The following RMST variants were observed in gnomAD, a reference collection of about 807,000 sequenced individuals.
RMST encodes long intergenic non-protein coding RNA 54.
At chr12:97,534,533 T>G (rs1358201278) in intron 11 of RMST, among the ~76,000 whole-genome samples, 1 of 151,716 alleles carries the variant, frequency 6.6e-6, no homozygotes, top group Non-Finnish European at 1.5e-5. Flanking sequence ...TTAGAGAAAA[T>G]CATGGGTTTG....
intron 5 of RMST, among the ~76,000 whole-genome samples, chr12:97,471,949 T>G (rs890469006): frequency 6.6e-6 from 1 of 152,116 alleles, no homozygotes; most frequent in South Asian, 2.1e-4. Context: ...TTGGGGACAT[T>G]GCATATTAAT....
chr12:97,488,165 C>T (rs1448580015), intron 5 of RMST, among the ~76,000 whole-genome samples: 1 of 152,124 alleles, frequency 6.6e-6, no homozygotes, highest in Admixed American at 6.6e-5. Context: ...GGGTGGATCA[C>T]CTGAGGTCAG....
At chr12:97,476,488 T>G (rs948952924) in intron 5 of RMST, among the ~76,000 whole-genome samples, 7 of 152,214 alleles carry the variant, frequency 4.6e-5, no homozygotes, top group African/African-American at 1.7e-4. Flanking sequence ...AGCTCACCCA[T>G]GCATGATGTT....
chr12:97,544,169 A>G (rs1308772767), intron 11 of RMST, among the ~76,000 whole-genome samples: 1 of 152,106 alleles, frequency 6.6e-6, no homozygotes, highest in Non-Finnish European at 1.5e-5. Context: ...AGCCCAAAGC[A>G]TATTGTCAAA....
chr12:97,466,412 G>A (rs913799050), intron 5 of RMST, among the ~76,000 whole-genome samples: 1 of 152,050 alleles, frequency 6.6e-6, no homozygotes, highest in Non-Finnish European at 1.5e-5. Flanking sequence ...TATATAAGTG[G>A]TTAATTTCCC....
intron 10 of RMST, among the ~76,000 whole-genome samples, chr12:97,501,572 C>T (rs1305431512): frequency 6.6e-6 from 1 of 152,212 alleles, no homozygotes; most frequent in African/African-American, 2.4e-5. Flanking sequence ...TGCAGGATGA[C>T]AAAGCCAGAA....
At chr12:97,481,504 G>A (rs1224891767) in intron 5 of RMST, among the ~76,000 whole-genome samples, 1 of 152,112 alleles carries the variant, frequency 6.6e-6, no homozygotes, top group African/African-American at 2.4e-5. Flanking sequence ...GCTTTTAAAA[G>A]CTTTATTTAT....
chr12:97,499,657 C>CTT (rs540776298), intron 10 of RMST, among the ~76,000 whole-genome samples: 2,083 of 131,734 alleles, frequency 0.016, 53 homozygotes, highest in African/African-American at 0.039. Flanking sequence ...TTTTTTCTTT[C>CTT]TTTTTTTTTT....
At chr12:97,474,132 C>A (rs1874248196) in intron 5 of RMST, among the ~76,000 whole-genome samples, 1 of 152,044 alleles carries the variant, frequency 6.6e-6, no homozygotes, top group Non-Finnish European at 1.5e-5. Flanking sequence ...GAGGATGTAG[C>A]AAAGGACCAA....
chr12:97,495,937 G>T (rs1416501390), exon 10 of RMST: 2 of 152,098 alleles, frequency 1.3e-5, no homozygotes, highest in Non-Finnish European at 2.9e-5. Context: ...CCAGTTGGCA[G>T]TTAAAGAACA....
intron 11 of RMST, among the ~76,000 whole-genome samples, chr12:97,538,762 A>G (rs533048157): frequency 1.3e-5 from 2 of 151,498 alleles, no homozygotes; most frequent in Admixed American, 1.3e-4. Flanking sequence ...GAATTATTTC[A>G]ATTATGCTAA....
intron 10 of RMST, among the ~76,000 whole-genome samples, chr12:97,504,680 A>T (rs1878474910): frequency 6.6e-6 from 1 of 152,194 alleles, no homozygotes; most frequent in Non-Finnish European, 1.5e-5. Flanking sequence ...GAACATGAAG[A>T]AAAAAGGAGT....
chr12:97,503,259 G>A (rs765260690), intron 10 of RMST, among the ~76,000 whole-genome samples: 2 of 152,196 alleles, frequency 1.3e-5, no homozygotes, highest in South Asian at 4.1e-4. Context: ...TACCTGCCAG[G>A]ATCTGCAATA....
chr12:97,521,526 A>G (rs1216672743), intron 10 of RMST, among the ~76,000 whole-genome samples: 2 of 152,220 alleles, frequency 1.3e-5, no homozygotes, highest in East Asian at 3.8e-4. Flanking sequence ...TAAAATAAGT[A>G]TGTAAAGAAT....
chr12:97,539,339 A>G lies in RMST; in HGVS notation n.1545+8480A>G, dbSNP rs75851249. On this transcript the variant is annotated intron_variant and non_coding_transcript_variant, in intron 11 of 13. Transcript: ENST00000640149. Reference sequence around the variant, plus strand: ...GAAAATACTCCATGGACAGTGCAAGAGAGTTCTTTGTTACAGAACCAAAGT... The same window carrying G: ...GAAAATACTCCATGGACAGTGCAAGGGAGTTCTTTGTTACAGAACCAAAGT... Among the ~76,000 whole-genome samples the G allele has an allele frequency of 9.7e-3, 1,465 of 151,716 alleles. 25 individuals carry two copies. Among genetic ancestry groups the G allele is most frequent in the African/African-American group, 0.033 (1,388 of 41,488 alleles).
chr12:97,492,177 C>A (rs1321175271), intron 5 of RMST, among the ~76,000 whole-genome samples: 2 of 152,136 alleles, frequency 1.3e-5, no homozygotes, highest in Non-Finnish European at 2.9e-5. Context: ...GTTGCAAAAG[C>A]TAATCAAGGG....
intron 11 of RMST, among the ~76,000 whole-genome samples, chr12:97,543,770 G>A (rs1252755216): frequency 6.6e-6 from 1 of 151,946 alleles, no homozygotes; most frequent in East Asian, 1.9e-4. Context: ...CTACCTGAAA[G>A]AGCCAGGATT....
chr12:97,487,218 A>G (rs981505276), intron 5 of RMST, among the ~76,000 whole-genome samples: 3 of 152,192 alleles, frequency 2.0e-5, no homozygotes, highest in African/African-American at 7.2e-5. Flanking sequence ...TTCTTTAAGA[A>G]CCAAATCACC....
chr12:97,563,628 C>T (rs913852029), intron 13 of RMST: 6 of 363,544 alleles, frequency 1.7e-5, no homozygotes, highest in African/African-American at 4.3e-5. Context: ...TCTTGTTTCC[C>T]GGTCCTTGTA....
Sources: allele counts gnomAD v4.1 joint callset (sites outside exome capture counted in the v4.1 genomes callset), GRCh38; gene constraint gnomAD v4.1.1; transcripts MANE v1.5; gene names NCBI Gene and HGNC (gene_info 2026-07-23, HGNC 2026-07-21).